The following AKAP9 variants were observed in gnomAD, a reference collection of about 807,000 sequenced individuals.
The protein encoded by AKAP9 is A-kinase anchor protein 9.
In AKAP9, 311 loss-of-function variants were observed where a neutral mutation model predicts 488.5. That is an observed-to-expected ratio of 0.64 (90% CI 0.58 to 0.70). The LOEUF (loss-of-function observed/expected upper bound fraction) is 0.70. Among genes scored for constraint, AKAP9 ranks in the 30% least tolerant of loss-of-function variants. The pLI is 0.00. For synonymous variants in AKAP9, 1,462 were observed against 1,483.5 expected (o/e 0.99, Z 0.33); for missense variants, 4,215 against 4,374.5 (o/e 0.96, Z 1.03).
chr7:91,996,181 T>C, intron 7 of AKAP9: 1 of 243,514 alleles, frequency 4.1e-6, no homozygotes, highest in Non-Finnish European at 7.8e-6. Context: ...GTCAGTTATC[T>C]TTATTTACAT....
intron 30 of AKAP9, 90 bp from the exon 31 acceptor site, chr7:92,078,963 AGTGTATTATTTTTGTGTGTGATCATC>A: frequency 1.6e-6 from 1 of 631,226 alleles, no homozygotes; most frequent in East Asian, 2.8e-5. Context: ...TCTGAGAAGT[AGTGTATTATTTTTGTGTGTGATCATC>A]TCTTTGAGGT....
chr7:92,089,391 G>C lies in AKAP9; in HGVS notation c.9220G>C (p.Glu3074Gln). Reference sequence around the variant, plus strand: ...TTACCTTCCTTTGTTACAGGGTGTTGAATATCAAGCAGCTATGGAATGCCT... The same window carrying C: ...TTACCTTCCTTTGTTACAGGGTGTTCAATATCAAGCAGCTATGGAATGCCT... ...LEQRIQEQGV[E>Q]YQAAMECLQK... The change falls in exon 38 of 50, where the codon GAA becomes CAA. Residue 3074 changes from glutamate (E) to glutamine (Q), a missense_variant. Physicochemically the swap from Glu to Gln is conservative, Grantham distance 29 (BLOSUM62 2). This residue lies in a region of AKAP9 where 1,476 missense variants were observed against 1,477.4 expected (regional missense o/e 1.00). Transcript: ENST00000356239. 6.2e-7 allele frequency: 1 copy of C among 1,611,636 alleles called. No homozygotes were observed. The highest frequency in any genetic ancestry group is 8.5e-7 in the Non-Finnish European group (1 of 1,179,670).
In AKAP9 at chr7:92,093,300, G is replaced by T. The variant is rs779340660; in HGVS notation, c.9562G>T (p.Glu3188Ter). The change falls in exon 39 of 50, where the codon GAA becomes TAA. Residue 3188 changes from glutamate (E) to a stop codon, truncating the protein, a stop_gained. Coordinates refer to ENST00000356239, the MANE Select transcript of AKAP9 (RefSeq NM_005751.5). LOFTEE classifies it high-confidence loss of function. ...TLKAQHKHLK[E>*]LEAFRLEVKD... is the part of the protein sequence containing the mutation. ...CAAGGCACAGCATAAACACCTAAAA[G>T]AATTGGAGGCTTTCAGGTGTGCCAG... 6.2e-7 allele frequency: 1 copy of T among 1,614,010 alleles called. No individual in the cohort carries two copies. Among genetic ancestry groups the T allele is most frequent in the Non-Finnish European group, 8.5e-7 (1 of 1,180,012 alleles).
chr7:92,031,693 C>T, intron 16 of AKAP9, 89 bp downstream of exon 16: 1 of 1,035,692 alleles, frequency 9.7e-7, no homozygotes. Flanking sequence ...ATGGTATGTA[C>T]TTTATAAGTT....
rs1799307068 is a variant in AKAP9 at position 92,002,600 on chromosome 7, G to A, written c.2683G>A (p.Ala895Thr). 2 of 1,610,900 alleles carry A rather than the reference G, an allele frequency of 1.2e-6. No individual in the cohort carries two copies. The highest frequency in any genetic ancestry group is 1.1e-5 in the South Asian group (1 of 90,606). The change falls in exon 8 of 50, where the codon GCA (alanine) becomes ACA (threonine). Residue 895 changes from alanine (A) to threonine (T), a missense_variant. This residue lies in a region of AKAP9 where 2,361 missense variants were observed against 2,430.0 expected (regional missense o/e 0.97). Transcript: ENST00000356239. Reference sequence around the variant, plus strand: ...ATTAGAGTATAAAAGTAAACTTAAAGCACTTAATGAAGAGCTTCATTTGCA... The same window carrying A: ...ATTAGAGTATAAAAGTAAACTTAAAACACTTAATGAAGAGCTTCATTTGCA... ...QELEYKSKLK[A>T]LNEELHLQRI...
At chr7:91,952,535 G>A (rs1332708287) in intron 1 of AKAP9, among the ~76,000 whole-genome samples, 2 of 152,214 alleles carry the variant, frequency 1.3e-5, no homozygotes, top group African/African-American at 2.4e-5. Flanking sequence ...AAAGGATGGG[G>A]AGGAACTGCC....
intron 21 of AKAP9, among the ~76,000 whole-genome samples, chr7:92,045,827 TTTC>T: frequency 7.3e-6 from 1 of 136,270 alleles, no homozygotes; most frequent in African/African-American, 2.5e-5. Context: ...CTTCTTTCCG[TTTC>T]TTTTTTTTTT....
rs769336831 is a variant in AKAP9, at chr7:92,077,839, A to C, written c.6909A>C (p.Lys2303Asn). The change falls in exon 30 of 50, where the codon AAA becomes AAC. Residue 2303 changes from lysine (K) to asparagine (N), a missense_variant. By Grantham distance (94) the Lys-to-Asn change is moderately conservative. Transcript: ENST00000356239. ...ACCAATTAAATGAACAAGTTACGAA[A>C]CTCCAGCAGCAACTTAAAATTACAA... ...EIDQLNEQVT[K>N]LQQQLKITTD... 3 of 1,613,394 alleles carry C rather than the reference A, an allele frequency of 1.9e-6. No homozygotes were observed. The highest frequency in any genetic ancestry group is 2.5e-6 in the Non-Finnish European group (3 of 1,179,786).
In AKAP9 at chr7:91,994,679, C is replaced by T. The variant is rs1452288966; in HGVS notation, c.635C>T (p.Ala212Val). Residue 212 changes from alanine to valine, a missense_variant, in exon 6 of 50, where the codon GCT becomes GTT. Ala to Val is a moderately conservative substitution (Grantham distance 64). This residue lies in a region of AKAP9 where 2,361 missense variants were observed against 2,430.0 expected (regional missense o/e 0.97). Transcript: ENST00000356239. Reference protein sequence around the residue: ...QRDGIITQLTANLQQARREKD... With the variant: ...QRDGIITQLTVNLQQARREKD... Reference sequence around the variant, plus strand: ...GATGGCATTATAACCCAGCTCACTGCTAATTTACAACAAGCAAGAAGAGAA... The same window carrying T: ...GATGGCATTATAACCCAGCTCACTGTTAATTTACAACAAGCAAGAAGAGAA... 1.2e-6 allele frequency: 2 copies of T among 1,613,264 alleles called. No homozygotes were observed. Among genetic ancestry groups the T allele is most frequent in the Non-Finnish European group, 1.7e-6 (2 of 1,179,608 alleles).
chr7:91,994,015 G>A (rs1798083707), intron 5 of AKAP9, among the ~76,000 whole-genome samples: 3 of 152,126 alleles, frequency 2.0e-5, no homozygotes, highest in Admixed American at 1.3e-4. Context: ...TGTAGTCCTA[G>A]TTACTTGGGA....
intron 33 of AKAP9, among the ~76,000 whole-genome samples, chr7:92,084,008 G>A (rs1005238304): frequency 1.2e-4 from 18 of 152,136 alleles, no homozygotes; most frequent in Admixed American, 2.6e-4. Context: ...CCCAGTGTGT[G>A]ATGTTCCCCT....
intron 3 of AKAP9, among the ~76,000 whole-genome samples, chr7:91,991,356 G>A (rs750272674): frequency 2.0e-5 from 3 of 152,094 alleles, no homozygotes; most frequent in Non-Finnish European, 4.4e-5. Context: ...ACAGTGGAGT[G>A]TGGTGGCAAT....
chr7:91,963,447 ATATGT>A (rs989504104), intron 1 of AKAP9, among the ~76,000 whole-genome samples: 5 of 151,374 alleles, frequency 3.3e-5, no homozygotes, highest in African/African-American at 1.2e-4. Context: ...TAAGTATAAA[ATATGT>A]TGTGTGTTAT....
Position 92,029,950 on chromosome 7 carries a change from C to G in AKAP9, c.4204C>G (p.Pro1402Ala). 6.2e-7 allele frequency: 1 copy of G among 1,612,760 alleles called. No homozygotes were observed. The highest frequency in any genetic ancestry group is 8.5e-7 in the Non-Finnish European group (1 of 1,179,234). Residue 1402 changes from proline (P) to alanine (A), a missense_variant, in exon 15 of 50, where the codon CCT (proline) becomes GCT (alanine). This residue lies in a region of AKAP9 where 2,361 missense variants were observed against 2,430.0 expected (regional missense o/e 0.97). Transcript: ENST00000356239. ...ATCTGATGCACAGAGAACAATGTAC[C>G]CTGGAAGTTGTGTGAAAAAGAATAT... The part of the protein sequence containing the change: ...TESDAQRTMY[P>A]GSCVKKNIDG...
At chr7:92,015,555 G>A (rs1181021465) in intron 10 of AKAP9, among the ~76,000 whole-genome samples, 1 of 151,814 alleles carries the variant, frequency 6.6e-6, no homozygotes, top group Non-Finnish European at 1.5e-5. Flanking sequence ...GTAGAGATGG[G>A]GTTTTGCCAT....
At chr7:91,963,502 A>T (rs1367736335) in intron 1 of AKAP9, among the ~76,000 whole-genome samples, 3 of 149,970 alleles carry the variant, frequency 2.0e-5, no homozygotes, top group African/African-American at 5.0e-5. Flanking sequence ...ACACACACAC[A>T]CACACACACA....
intron 48 of AKAP9, 61 bp downstream of exon 48, chr7:92,107,483 A>G (rs1818697282): frequency 6.5e-7 from 1 of 1,529,000 alleles, no homozygotes; most frequent in African/African-American, 1.4e-5. Flanking sequence ...ACAGAGATAA[A>G]TGGACATTTT....
intron 23 of AKAP9, among the ~76,000 whole-genome samples, chr7:92,062,008 G>A (rs962145658): frequency 4.6e-5 from 7 of 152,230 alleles, no homozygotes; most frequent in Non-Finnish European, 8.8e-5. Flanking sequence ...CCTACATAAT[G>A]TGGTACTTTG....
chr7:91,999,152 A>AT (rs1019157890), intron 7 of AKAP9, among the ~76,000 whole-genome samples: 34 of 151,638 alleles, frequency 2.2e-4, no homozygotes, highest in Non-Finnish European at 4.4e-5. Flanking sequence ...CAGAAGTCTG[A>AT]TTTTTTTTTC....
Sources: allele counts gnomAD v4.1 joint callset (sites outside exome capture counted in the v4.1 genomes callset), GRCh38; gene constraint gnomAD v4.1.1; regional missense constraint gnomAD v4.1.1; transcripts MANE v1.5; gene names NCBI Gene and HGNC (gene_info 2026-07-23, HGNC 2026-07-21).